Variants in WIPI2 observed in about 807,000 individuals in gnomAD.
WIPI2 encodes WD repeat domain, phosphoinositide interacting 2.
In WIPI2, 28 loss-of-function variants were observed where a neutral mutation model predicts 52.3. That is an observed-to-expected ratio of 0.54 (90% CI 0.40 to 0.73). WIPI2 has a LOEUF of 0.73. WIPI2 is among the 30% of genes least tolerant of loss of function. WIPI2 has a pLI of 0.00. For synonymous variants in WIPI2, 268 were observed against 245.0 expected, an observed-to-expected ratio of 1.09 and a Z score of -0.88; for missense variants, 506 against 602.9, an observed-to-expected ratio of 0.84 and a Z score of 1.68.
At position 5,217,186 on chromosome 7, in the gene WIPI2, T is replaced by C; in HGVS notation, c.575T>C (p.Leu192Ser). 1 of 1,614,154 alleles carries C rather than the reference T, an allele frequency of 6.2e-7. No individual in the cohort carries two copies. The highest frequency in any genetic ancestry group is 8.5e-7 in the Non-Finnish European group (1 of 1,180,002). ...GTGCAGGTCTTCGATACCATTAATT[T>C]GGTGAGATGCCTTTCCTGCTCGAAT... Reference protein sequence around the residue: ...GEVQVFDTINLRAANMIPAHD... With the variant: ...GEVQVFDTINSRAANMIPAHD... The change falls in exon 6 of 13, where the codon TTG (leucine) becomes TCG (serine). Residue 192 changes from leucine (L) to serine (S), a missense_variant and splice_region_variant. Coordinates refer to ENST00000288828, the MANE Select transcript of WIPI2 (RefSeq NM_015610.4).
rs373045160 is a variant in WIPI2 at position 5,193,873 on chromosome 7, G to A, written c.128+702G>A. On this transcript the variant is annotated intron_variant, in intron 2 of 12. Transcript: ENST00000288828. ...ATTACAGGTGTGAGCCGTTGTGCCC[G>A]GCCTGAAGATGGTTTCTAAGATCCT... Among the ~76,000 whole-genome samples the A allele has an allele frequency of 3.3e-4, 51 of 152,302 alleles. No individual in the cohort carries two copies. The East Asian group carries it at 9.3e-3, about 28-fold the overall frequency.
At chr7:5,221,970 C>A (rs1281983920) in intron 7 of WIPI2, among the ~76,000 whole-genome samples, 1 of 151,126 alleles carries the variant, frequency 6.6e-6, no homozygotes, top group Non-Finnish European at 1.5e-5. Context: ...TTTTTTCCCC[C>A]CCCGAGATGG....
At position 5,227,228 on chromosome 7, in the gene WIPI2, CA is replaced by C. The variant is rs1189583305; in HGVS notation, c.898del (p.Met300TrpfsTer11). 1 of 1,613,960 alleles carries C rather than the reference CA, an allele frequency of 6.2e-7. No homozygotes were observed. Among genetic ancestry groups the C allele is most frequent in the Non-Finnish European group, 8.5e-7 (1 of 1,180,036 alleles). On this transcript the variant is annotated frameshift_variant, in exon 10 of 13. Transcript: ENST00000288828. LOFTEE classifies it high-confidence loss of function. The surrounding 1 kb of genome is among the most constrained non-coding windows in gnomAD (Gnocchi z 8.1). ...GGACCGGGTACTTCGGGAAAGTGCT[CA>C]TGGCCTCCACCAGCTACCTGCCTTC... ...TWTGYFGKVLMASTSYLPSQV... is the reference protein window; with the variant it reads ...TWTGYFGKVLXASTSYLPSQV...
chr7:5,193,227 A>G, intron 2 of WIPI2, 56 bp downstream of exon 2: 1 of 1,588,418 alleles, frequency 6.3e-7, no homozygotes, highest in Non-Finnish European at 8.6e-7. Context: ...ATGTTAGAGG[A>G]CTTTTTTGGC....
At position 5,232,512 on chromosome 7, in the gene WIPI2, T is replaced by C. The variant is rs537972275; in HGVS notation, c.*1565T>C. 1,136 of 394,560 alleles carry C rather than the reference T, an allele frequency of 2.9e-3. 4 individuals are homozygous for C. The highest frequency in any genetic ancestry group is 3.6e-3 in the Non-Finnish European group (800 of 224,002). 24.4% of individuals were successfully genotyped at this position (394,560 alleles called of 1,614,324 possible). ...ATTGAACTTTTCCTTCAAAACCTGC[T>C]TGTCTGTCCTGGACCTTTGATGAAA... is the stretch of plus-strand genomic sequence containing the variant. On this transcript the variant is annotated 3_prime_UTR_variant, in exon 13 of 13. Coordinates refer to ENST00000288828, the MANE Select transcript of WIPI2 (RefSeq NM_015610.4).
At chr7:5,192,340 G>A (rs1161987576) in intron 1 of WIPI2, among the ~76,000 whole-genome samples, 3 of 152,154 alleles carry the variant, frequency 2.0e-5, no homozygotes, top group African/African-American at 7.2e-5. Context: ...GGTGGTTTAT[G>A]CCTTGTATAA....
At chr7:5,217,651 G>A in intron 6 of WIPI2, 1 of 466,448 alleles carries the variant, frequency 2.1e-6, no homozygotes. Flanking sequence ...TTCTGGATCT[G>A]CTGCGGCGTT....
chr7:5,193,325 G>A (rs989427756), intron 2 of WIPI2, 154 bp downstream of exon 2: 1 of 1,452,352 alleles, frequency 6.9e-7, no homozygotes. Flanking sequence ...TTTTTCCAGT[G>A]GATACCACAG....
In WIPI2 at chr7:5,230,479, C is replaced by T. The variant is rs1783679236; in HGVS notation, c.1253-356C>T. On this transcript the variant is annotated intron_variant, in intron 12 of 12. Transcript: ENST00000288828. The surrounding 1 kb of genome is among the most constrained non-coding windows in gnomAD (Gnocchi z 4.8). ...GCTGCCACTCCCATCTGTGAACCGG[C>T]ACTTCCAGTTCATGAGCCCACCCTG... Among the ~76,000 whole-genome samples the T allele has an allele frequency of 6.6e-6, 1 of 152,218 alleles. No individual in the cohort carries two copies. Among genetic ancestry groups the T allele is most frequent in the Admixed American group, 6.5e-5 (1 of 15,282 alleles).
At chr7:5,198,223 C>T (rs1030164111) in intron 2 of WIPI2, among the ~76,000 whole-genome samples, 5 of 152,146 alleles carry the variant, frequency 3.3e-5, no homozygotes, top group Admixed American at 6.5e-5. Flanking sequence ...GGTGGAGCCA[C>T]GGGTAGTAAA....
chr7:5,196,066 G>A (rs766139984), intron 2 of WIPI2, among the ~76,000 whole-genome samples: 13 of 150,708 alleles, frequency 8.6e-5, no homozygotes, highest in Non-Finnish European at 1.8e-4. Context: ...TTTGCTGGGC[G>A]TGGTGGCTTA....
chr7:5,229,556 G>A (rs1583598075), intron 11 of WIPI2, 52 bp from the exon 12 acceptor site: 7 of 1,585,220 alleles, frequency 4.4e-6, no homozygotes, highest in Non-Finnish European at 4.3e-6. Context: ...TGTACTGCCC[G>A]CAGGGCTGCC....
At chr7:5,190,800 G>T (rs752988428) in intron 1 of WIPI2, 3 of 255,350 alleles carry the variant, frequency 1.2e-5, no homozygotes, top group Admixed American at 5.5e-5. Flanking sequence ...AGTTGGGGCC[G>T]AACTTTGGGG....
At chr7:5,200,821 TG>T (rs1781989118) in intron 3 of WIPI2, among the ~76,000 whole-genome samples, 1 of 152,168 alleles carries the variant, frequency 6.6e-6, no homozygotes, top group South Asian at 2.1e-4. Flanking sequence ...TTCCCAGCAG[TG>T]TCTTTCCTGT....
rs192846079 is a variant in WIPI2 at position 5,216,325 on chromosome 7, G to C, written c.382-238G>C. 814 of 330,972 alleles carry C rather than the reference G, an allele frequency of 2.5e-3. 5 individuals are homozygous for C. Among genetic ancestry groups the C allele is most frequent in the East Asian group, 2.5e-3 (48 of 19,558 alleles). The allele number at this position is 330,972 out of a possible 1,614,324, so 20.5% of individuals were successfully genotyped here. On this transcript the variant is annotated intron_variant, in intron 4 of 12. Transcript: ENST00000288828. ...CAGTCACCTGTAATTCCAGCTACTT[G>C]GGAGGCTGAGGCAGGAAAATCACTT...
At chr7:5,199,914 A>C (rs979138332) in intron 3 of WIPI2, among the ~76,000 whole-genome samples, 1 of 152,244 alleles carries the variant, frequency 6.6e-6, no homozygotes, top group Non-Finnish European at 1.5e-5. Context: ...GTACATGAGC[A>C]CATACCATGT....
chr7:5,199,431 CAG>C (rs1262539471), intron 2 of WIPI2, 143 bp from the exon 3 acceptor site: 17 of 649,758 alleles, frequency 2.6e-5, no homozygotes, highest in Non-Finnish European at 4.1e-5. Context: ...TTGATACAAA[CAG>C]TGTGAAATGA....
chr7:5,218,844 C>T (rs1782951987), intron 7 of WIPI2: 1 of 152,152 alleles, frequency 6.6e-6, no homozygotes, highest in African/African-American at 2.4e-5. Flanking sequence ...ATTCTTCTGT[C>T]TTGAGGTCGC....
chr7:5,219,367 A>C (rs772738949), intron 7 of WIPI2, among the ~76,000 whole-genome samples: 1 of 152,214 alleles, frequency 6.6e-6, no homozygotes, highest in Non-Finnish European at 1.5e-5. Flanking sequence ...CCTTTGACTA[A>C]TCAAAGTCTC....
Sources: allele counts gnomAD v4.1 joint callset (sites outside exome capture counted in the v4.1 genomes callset), GRCh38; gene constraint gnomAD v4.1.1; non-coding constraint Gnocchi (gnomAD v3.1); transcripts MANE v1.5; gene names NCBI Gene and HGNC (gene_info 2026-07-23, HGNC 2026-07-21).